Variants in TSC2 observed in about 807,000 individuals in gnomAD.
TSC2 encodes TSC complex subunit 2.
Under a neutral mutation model 202.2 loss-of-function variants are expected in TSC2, and 29 were observed. The observed-to-expected ratio is 0.14, with a 90% confidence interval of 0.11 to 0.20. TSC2 has a LOEUF of 0.20. Among genes scored for constraint, TSC2 ranks in the 10% least tolerant of loss-of-function variants. The pLI is 1.00. For missense variants in TSC2, 2,429 were observed against 2,420.0 expected (o/e 1.00, Z -0.08); for synonymous variants, 1,349 against 1,044.0 (o/e 1.29, Z -5.63).
At chr16:2,064,229 C>G in intron 14 of TSC2, 43 bp from the exon 15 acceptor site, 3 of 1,613,642 alleles carry the variant, frequency 1.9e-6, no homozygotes, top group Non-Finnish European at 2.5e-6. Context: ...AGATGTGGCC[C>G]TCGTTGGGCT....
chr16:2,062,370 G>C, intron 12 of TSC2, 127 bp from the exon 13 acceptor site: 1 of 892,560 alleles, frequency 1.1e-6, no homozygotes, highest in Non-Finnish European at 1.8e-6. Flanking sequence ...TTTGTGTCTG[G>C]GCTGTGGGCT....
Position 2,060,584 on chromosome 16 carries a change from A to G in TSC2, c.976-86A>G, listed in dbSNP as rs945617961. 4 of 1,606,078 alleles carry G rather than the reference A, an allele frequency of 2.5e-6. No homozygotes were observed. The African/African-American group carries it at 5.4e-5, about 22-fold the overall frequency. Reference sequence around the variant, plus strand: ...TGGGCACTGCGCGCTCAGGCGTGCTACTCTCGGTCCCAAGGGTGACTGGGA... The same window carrying G: ...TGGGCACTGCGCGCTCAGGCGTGCTGCTCTCGGTCCCAAGGGTGACTGGGA... On this transcript the variant is annotated intron_variant, in intron 10 of 41. Coordinates refer to ENST00000219476, the MANE Select transcript of TSC2 (RefSeq NM_000548.5).
Position 2,078,080 on chromosome 16 carries a change from G to C in TSC2, c.2966+354G>C, listed in dbSNP as rs200613439. 4.8e-4 allele frequency among the ~76,000 whole-genome samples: 73 copies of C among 152,288 alleles called. No homozygotes were observed. In the East Asian group the frequency reaches 0.014, roughly 29 times the overall value. On this transcript the variant is annotated intron_variant, in intron 26 of 41. Transcript: ENST00000219476. Reference sequence around the variant, plus strand: ...TTCTCTAGAATGGACGTTTTTCTTCGGGCTTTCTTCTCAACAAGGTTTATT... The same window carrying C: ...TTCTCTAGAATGGACGTTTTTCTTCCGGCTTTCTTCTCAACAAGGTTTATT...
intron 22 of TSC2, 28 bp from the exon 23 acceptor site, chr16:2,075,770 TC>T: frequency 6.2e-7 from 1 of 1,610,006 alleles, no homozygotes; most frequent in Non-Finnish European, 8.5e-7. Flanking sequence ...GGACCCCGGC[TC>T]CCCTGACCAC....
intron 13 of TSC2, 98 bp downstream of exon 13, chr16:2,062,698 G>A (rs980080054): frequency 3.8e-6 from 5 of 1,299,270 alleles, no homozygotes; most frequent in Non-Finnish European, 5.4e-6. Flanking sequence ...CGATGAGCAG[G>A]GCCCTCCCCT....
chr16:2,080,008 C>G (rs547020526), intron 29 of TSC2, among the ~76,000 whole-genome samples, 157 bp from the exon 30 acceptor site: 1 of 152,202 alleles, frequency 6.6e-6, no homozygotes, highest in Non-Finnish European at 1.5e-5. Flanking sequence ...TTCACTGAGG[C>G]CAGCACTGTG....
At position 2,088,730 on chromosome 16, in the gene TSC2, T is replaced by C. The variant is rs1311319790; in HGVS notation, c.*120T>C. On this transcript the variant is annotated 3_prime_UTR_variant, in exon 42 of 42. Coordinates refer to ENST00000219476, the MANE Select transcript of TSC2 (RefSeq NM_000548.5). ...AGATTGCAGTCAGACAGCTCTTTTATTGACTTTGTCTGCTTGGTGCGGGGG... is the reference window on the plus strand; with the variant it reads ...AGATTGCAGTCAGACAGCTCTTTTACTGACTTTGTCTGCTTGGTGCGGGGG... The C allele has an allele frequency of 3.6e-6, 5 of 1,375,350 alleles. No homozygotes were observed. The highest frequency in any genetic ancestry group is 1.3e-5 in the South Asian group (1 of 75,996). The allele number at this position is 1,375,350 out of a possible 1,614,324, so 85.2% of individuals were successfully genotyped here.
intron 2 of TSC2, among the ~76,000 whole-genome samples, chr16:2,049,217 C>G (rs1356345659): frequency 2.0e-5 from 3 of 152,050 alleles, no homozygotes; most frequent in African/African-American, 7.2e-5. Flanking sequence ...TCCTGAGTAG[C>G]TGGGACTACA....
rs1060504085 is a variant in TSC2 at position 2,079,024 on chromosome 16, C to T, written c.2967-8C>T. 5.6e-6 allele frequency: 9 copies of T among 1,612,342 alleles called. No homozygotes were observed. The highest frequency in any genetic ancestry group is 2.2e-5 in the East Asian group (1 of 44,888). On this transcript the variant is annotated splice_region_variant and splice_polypyrimidine_tract_variant and intron_variant, in intron 26 of 41. Transcript: ENST00000219476. The surrounding 1 kb of genome is among the most constrained non-coding windows in gnomAD (Gnocchi z 4.6). ...CACCCTGACCCTGGTCACGGCCTCT[C>T]CCTCCAGCAGGATACAGACGTCCCT...
chr16:2,061,886 G>A lies in TSC2; in HGVS notation c.1135G>A (p.Glu379Lys). 1 of 1,614,190 alleles carries A rather than the reference G, an allele frequency of 6.2e-7. No individual in the cohort carries two copies. ...LQQLQTLDSP[E>K]LRTIVHDLLT... ...GGTACTGCAGACCTTGGACAGCCCGGAGCTCAGGACCATCGTCCATGACCT... is the reference window on the plus strand; with the variant it reads ...GGTACTGCAGACCTTGGACAGCCCGAAGCTCAGGACCATCGTCCATGACCT... Residue 379 changes from glutamate (E) to lysine (K), a missense_variant, in exon 12 of 42, where the codon GAG becomes AAG. Physicochemically the swap from Glu to Lys is moderately conservative, Grantham distance 56. Coordinates refer to ENST00000219476, the MANE Select transcript of TSC2 (RefSeq NM_000548.5).
chr16:2,072,454 T>TTCGGGC, intron 20 of TSC2, 91 bp downstream of exon 20: 6 of 1,558,874 alleles, frequency 3.8e-6, no homozygotes, highest in South Asian at 3.5e-5. Flanking sequence ...AGTGAGACCC[T>TTCGGGC]TCGGGCTCGG....
chr16:2,048,300 G>T, intron 1 of TSC2: 1 of 1,097,140 alleles, frequency 9.1e-7, no homozygotes, highest in Non-Finnish European at 1.4e-6. Context: ...AAACGTCGGG[G>T]CTCCCAGGAC....
At chr16:2,051,743 C>A (rs902324161) in intron 3 of TSC2, among the ~76,000 whole-genome samples, 1 of 152,102 alleles carries the variant, frequency 6.6e-6, no homozygotes, top group African/African-American at 2.4e-5. Flanking sequence ...ACGTGCTGGC[C>A]GTACGCTACC....
At position 2,071,659 on chromosome 16, in the gene TSC2, A is replaced by T. The variant is rs559270449; in HGVS notation, c.1946+43A>T. ...CACGGCCCATGAGGCTCAGGGCGTC[A>T]GAGGCGCTGGGGCTGTGGTGGCGCT... On this transcript the variant is annotated intron_variant, in intron 18 of 41. Transcript: ENST00000219476. The T allele has an allele frequency of 3.7e-5, 59 of 1,610,932 alleles. 2 individuals carry two copies. In the East Asian group the frequency reaches 8.7e-4, roughly 24 times the overall value.
chr16:2,085,478 C>T (rs983365441), intron 36 of TSC2, among the ~76,000 whole-genome samples, 156 bp downstream of exon 36: 3 of 152,218 alleles, frequency 2.0e-5, no homozygotes, highest in African/African-American at 4.8e-5. Context: ...CCAGGTGCTG[C>T]TCTGAGTGCT....
rs1057522105 is a variant in TSC2 at position 2,048,698 on chromosome 16, C to A, written c.83C>A (p.Pro28His). 6 of 1,613,876 alleles carry A rather than the reference C, an allele frequency of 3.7e-6. No homozygotes were observed. Among genetic ancestry groups the A allele is most frequent in the Non-Finnish European group, 5.1e-6 (6 of 1,180,036 alleles). The change falls in exon 2 of 42, where the codon CCC becomes CAC. Residue 28 changes from proline (P) to histidine (H), a missense_variant. Coordinates refer to ENST00000219476, the MANE Select transcript of TSC2 (RefSeq NM_000548.5). ...GGACTGGGAACACCGAGGCCAAATC[C>A]CAGGTCTGCAGAGGGTAAACAGACG... Reference protein sequence around the residue: ...LLGLGTPRPNPRSAEGKQTEF... With the variant: ...LLGLGTPRPNHRSAEGKQTEF...
chr16:2,072,674 G>T, intron 20 of TSC2, 175 bp from the exon 21 acceptor site: 2 of 1,053,756 alleles, frequency 1.9e-6, no homozygotes, highest in Non-Finnish European at 2.8e-6. Context: ...TGTGTTACTT[G>T]GCAGGCACTC....
intron 14 of TSC2, chr16:2,063,421 G>T: frequency 2.6e-6 from 1 of 391,208 alleles, no homozygotes; most frequent in Non-Finnish European, 4.8e-6. Flanking sequence ...CTGTGCACCT[G>T]CGTGATCGCC....
intron 20 of TSC2, chr16:2,072,578 G>A: frequency 7.2e-6 from 6 of 829,530 alleles, no homozygotes; most frequent in Middle Eastern, 3.6e-4. Flanking sequence ...GAGGTCCCCA[G>A]CCAAGGGCAT....
Sources: gnomAD v4.1 joint callset for allele counts (sites outside exome capture counted in the v4.1 genomes callset) on GRCh38, gnomAD v4.1.1 for gene constraint, Gnocchi (gnomAD v3.1) non-coding constraint, MANE v1.5 for transcripts, NCBI Gene and HGNC (gene_info 2026-07-23, HGNC 2026-07-21) for gene names.